Variants in RERE observed in about 807,000 individuals in gnomAD.
RERE encodes arginine-glutamic acid dipeptide repeats, also known as arginine-glutamic acid dipeptide repeats protein.
Under a neutral mutation model 146.1 loss-of-function variants are expected in RERE, and 40 were observed. The observed-to-expected ratio is 0.27, with a 90% confidence interval of 0.21 to 0.36. The LOEUF (loss-of-function observed/expected upper bound fraction) is 0.36. Among genes scored for constraint, RERE ranks in the 10% least tolerant of loss-of-function variants. The pLI is 1.00. For missense variants in RERE, 1,933 were observed against 2,138.7 expected, an observed-to-expected ratio of 0.90 and a Z score of 1.90; for synonymous variants, 1,003 against 866.0, an observed-to-expected ratio of 1.16 and a Z score of -2.78.
chr1:8,767,742 A>C (rs1216610573), intron 1 of RERE, among the ~76,000 whole-genome samples: 2 of 152,142 alleles, frequency 1.3e-5, no homozygotes, highest in Non-Finnish European at 2.9e-5. Context: ...CAGGCGGATC[A>C]CTTGAAGGTC....
At chr1:8,633,521 C>T (rs1426804675) in intron 2 of RERE, among the ~76,000 whole-genome samples, 1 of 152,098 alleles carries the variant, frequency 6.6e-6, no homozygotes, top group African/African-American at 2.4e-5. Context: ...CACAACAATC[C>T]CGTGAGTGAT....
intron 6 of RERE, among the ~76,000 whole-genome samples, chr1:8,553,593 A>T (rs1404095564): frequency 6.6e-6 from 1 of 152,242 alleles, no homozygotes; most frequent in Admixed American, 6.5e-5. Flanking sequence ...ACACTTACAA[A>T]ATCAAATTCA....
chr1:8,510,745 T>C (rs1450787412), intron 7 of RERE, among the ~76,000 whole-genome samples: 3 of 151,168 alleles, frequency 2.0e-5, no homozygotes, highest in Non-Finnish European at 4.4e-5. Context: ...CTAGCCAGAA[T>C]GTATCATTTC....
chr1:8,545,736 T>C (rs1216277900), intron 6 of RERE, among the ~76,000 whole-genome samples: 4 of 148,168 alleles, frequency 2.7e-5, no homozygotes, highest in African/African-American at 5.0e-5. Flanking sequence ...CAGACTGGAG[T>C]GCAATGGCGT....
At chr1:8,401,069 A>ATATGTATATG (rs1553161877) in intron 12 of RERE, among the ~76,000 whole-genome samples, 1 of 85,116 alleles carries the variant, frequency 1.2e-5, no homozygotes, top group Non-Finnish European at 2.5e-5. Flanking sequence ...ATATATATAT[A>ATATGTATATG]TATGTCACTT....
At chr1:8,726,147 C>CTTT (rs70985511) in intron 1 of RERE, among the ~76,000 whole-genome samples, 133 of 69,380 alleles carry the variant, frequency 1.9e-3, no homozygotes, top group African/African-American at 2.4e-3. Context: ...TTTTTCTTTT[C>CTTT]TTTTTTTTTT....
At chr1:8,785,107 T>C (rs1433535444) in intron 1 of RERE, among the ~76,000 whole-genome samples, 1 of 152,126 alleles carries the variant, frequency 6.6e-6, no homozygotes, top group South Asian at 2.1e-4. Context: ...ATCCTTACTA[T>C]GGAATAAACA....
rs375573131 is a variant in RERE at position 8,750,247 on chromosome 1, C to T, written c.-145+66913G>A. On this transcript the variant is annotated intron_variant, in intron 1 of 22. Coordinates refer to ENST00000400908, the MANE Select transcript of RERE (RefSeq NM_001042681.2). The stretch of plus-strand genomic sequence containing the variant: ...GTTACTTCTAGAACCATGCCTGGCA[C>T]GTAGTCAGTAGTCAATGTGTTCAAT... Among the ~76,000 whole-genome samples, 228 of 151,180 alleles carry T rather than the reference C, an allele frequency of 1.5e-3. 1 individual carries two copies. Among genetic ancestry groups the T allele is most frequent in the Non-Finnish European group, 2.9e-3 (199 of 67,778 alleles).
chr1:8,451,414 A>G (rs1644389194), intron 11 of RERE, among the ~76,000 whole-genome samples: 1 of 149,412 alleles, frequency 6.7e-6, no homozygotes, highest in Admixed American at 6.7e-5. Context: ...CCTGGGTGAC[A>G]GAGCAAAATT....
chr1:8,604,598 A>AAGGAAGGG (rs1646675613), intron 4 of RERE, among the ~76,000 whole-genome samples: 3 of 80,614 alleles, frequency 3.7e-5, no homozygotes, highest in African/African-American at 1.5e-4. Context: ...GGAAGGAAGG[A>AAGGAAGGG]AGGGAGGGAG....
intron 1 of RERE, chr1:8,786,557 C>T (rs533368286): frequency 1.0e-5 from 8 of 775,658 alleles, no homozygotes; most frequent in Admixed American, 6.8e-5. Flanking sequence ...TTAACTGAAG[C>T]CTTGTTGAGC....
rs913366367 is a variant in RERE at position 8,727,159 on chromosome 1, G to A, written c.-144-70718C>T. 3.4e-5 allele frequency among the ~76,000 whole-genome samples: 5 copies of A among 149,166 alleles called. 1 individual carries two copies. Among genetic ancestry groups the A allele is most frequent in the African/African-American group, 1.2e-4 (5 of 40,092 alleles). On this transcript the variant is annotated intron_variant, in intron 1 of 22. Transcript: ENST00000400908. ...CTTTTTTTTGGAGGGCGCGGGGTGGGGGGAAAGGAGTCTCGCTCTGTAGCC... is the reference window on the plus strand; with the variant it reads ...CTTTTTTTTGGAGGGCGCGGGGTGGAGGGAAAGGAGTCTCGCTCTGTAGCC...
At chr1:8,763,697 T>C (rs545895272) in intron 1 of RERE, among the ~76,000 whole-genome samples, 6 of 152,066 alleles carry the variant, frequency 3.9e-5, no homozygotes, top group African/African-American at 9.6e-5. Flanking sequence ...TCCCAGCACT[T>C]TGGGAGGCCG....
At chr1:8,416,878 G>A (rs1206045239) in intron 12 of RERE, among the ~76,000 whole-genome samples, 2 of 152,184 alleles carry the variant, frequency 1.3e-5, no homozygotes, top group East Asian at 3.8e-4. Flanking sequence ...TGCAGATTCT[G>A]GCTCAAGAGA....
intron 4 of RERE, among the ~76,000 whole-genome samples, chr1:8,580,160 T>C (rs1019760000): frequency 1.1e-4 from 16 of 152,222 alleles, no homozygotes; most frequent in Non-Finnish European, 1.9e-4. Context: ...CATCCCATCA[T>C]GTGAGCCTAT....
chr1:8,659,580 G>C (rs753997431), intron 1 of RERE, among the ~76,000 whole-genome samples: 29 of 152,112 alleles, frequency 1.9e-4, no homozygotes, highest in African/African-American at 7.0e-4. Flanking sequence ...AACAAAAAAC[G>C]ATCAGCTAAC....
At chr1:8,612,428 T>C (rs1293239384) in intron 4 of RERE, among the ~76,000 whole-genome samples, 1 of 152,230 alleles carries the variant, frequency 6.6e-6, no homozygotes. Context: ...TGTAGCATCA[T>C]CTTGACTGAA....
At chr1:8,484,217 C>T (rs1480280276) in intron 10 of RERE, among the ~76,000 whole-genome samples, 3 of 151,942 alleles carry the variant, frequency 2.0e-5, no homozygotes, top group Non-Finnish European at 2.9e-5. Context: ...CTAAATTAAC[C>T]CCATTAGGAT....
rs938916869 is a variant in RERE at position 8,720,680 on chromosome 1, T to C, written c.-144-64239A>G. Reference sequence around the variant, plus strand: ...ATAGGCCACTGTAGGGGAGTTCTTATAATTGTATAACCCCAAGAGTAGACA... The same window carrying C: ...ATAGGCCACTGTAGGGGAGTTCTTACAATTGTATAACCCCAAGAGTAGACA... On this transcript the variant is annotated intron_variant, in intron 1 of 22. Transcript: ENST00000400908. 3.9e-5 allele frequency among the ~76,000 whole-genome samples: 6 copies of C among 152,300 alleles called. 1 individual carries two copies. The South Asian group carries it at 1.0e-3, about 26-fold the overall frequency.
Sources: allele counts gnomAD v4.1 joint callset (sites outside exome capture counted in the v4.1 genomes callset), GRCh38; gene constraint gnomAD v4.1.1; transcripts MANE v1.5; gene names NCBI Gene and HGNC (gene_info 2026-07-23, HGNC 2026-07-21).